Variants in GSE1 observed in about 807,000 individuals in gnomAD.
The protein encoded by GSE1 is Gse1 coiled-coil protein.
GSE1 carries 32 observed loss-of-function variants against 112.6 expected under a neutral mutation model. That is an observed-to-expected ratio of 0.28 (90% CI 0.21 to 0.38). GSE1 has a LOEUF of 0.38. Among genes scored for constraint, GSE1 ranks in the 10% least tolerant of loss-of-function variants. The pLI, the probability that GSE1 is intolerant of heterozygous loss-of-function variation, is 1.00. For missense variants in GSE1, 2,348 were observed against 1,699.2 expected, an observed-to-expected ratio of 1.38 and a Z score of -6.71; for synonymous variants, 1,115 against 735.6, an observed-to-expected ratio of 1.52 and a Z score of -8.35.
At chr16:85,252,734 C>T (rs746169731) in intron 1 of GSE1, among the ~76,000 whole-genome samples, 17 of 152,238 alleles carry the variant, frequency 1.1e-4, no homozygotes, top group Admixed American at 4.6e-4. Flanking sequence ...CATCAGAGAA[C>T]GCCACAGTTG....
chr16:85,463,994 C>T (rs2050053461), intron 2 of GSE1, among the ~76,000 whole-genome samples: 1 of 152,156 alleles, frequency 6.6e-6, no homozygotes, highest in Non-Finnish European at 1.5e-5. Flanking sequence ...ACGCTGGCCT[C>T]AGGACTGCTT....
rs559865080 is a variant in GSE1 at position 85,604,203 on chromosome 16, C to G, written c.38-44349C>G. Reference sequence around the variant, plus strand: ...CCCCTCCCCTAGCCCTAAGCAACTACTCCTCTGCTTTTTGTCTCTGGATTT... The same window carrying G: ...CCCCTCCCCTAGCCCTAAGCAACTAGTCCTCTGCTTTTTGTCTCTGGATTT... On this transcript the variant is annotated intron_variant, in intron 1 of 2. Coordinates refer to the GSE1 transcript ENST00000635906. 4.6e-5 allele frequency among the ~76,000 whole-genome samples: 7 copies of G among 152,350 alleles called. No homozygotes were observed. In the South Asian group the frequency reaches 1.2e-3, roughly 27 times the overall value.
chr16:85,674,603 T>C lies in GSE1; in HGVS notation c.*2064T>C, dbSNP rs1465983259. The C allele has an allele frequency of 6.6e-6, 1 of 152,216 alleles. No homozygotes were observed. Among genetic ancestry groups the C allele is most frequent in the Non-Finnish European group, 1.5e-5 (1 of 68,042 alleles). 9.4% of individuals were successfully genotyped at this position (152,216 alleles called of 1,614,324 possible). On this transcript the variant is annotated 3_prime_UTR_variant, in exon 16 of 16. Coordinates refer to ENST00000253458, the MANE Select transcript of GSE1 (RefSeq NM_014615.5). ...TTCCGCTCTCAGGCCTCCTCCTCCA[T>C]CACAGATGTCTGGATGCTTTTGGAA...
At chr16:85,618,250 T>C (rs532685337) in intron 1 of GSE1, among the ~76,000 whole-genome samples, 4 of 152,206 alleles carry the variant, frequency 2.6e-5, no homozygotes, top group Non-Finnish European at 5.9e-5. Flanking sequence ...CCTTCCACTT[T>C]AATCATCACG....
chr16:85,450,835 C>T (rs1256887926), intron 2 of GSE1, among the ~76,000 whole-genome samples: 1 of 152,024 alleles, frequency 6.6e-6, no homozygotes, highest in Non-Finnish European at 1.5e-5. Context: ...CCGAGGTGGG[C>T]CGATCACCTA....
intron 1 of GSE1, among the ~76,000 whole-genome samples, chr16:85,621,391 G>C (rs1385773885): frequency 6.6e-6 from 1 of 152,264 alleles, no homozygotes; most frequent in African/African-American, 2.4e-5. Flanking sequence ...TGTGCAGGGA[G>C]TGGAGTGTGC....
At chr16:85,249,555 G>A (rs1223453347) in intron 1 of GSE1, among the ~76,000 whole-genome samples, 1 of 152,224 alleles carries the variant, frequency 6.6e-6, no homozygotes, top group East Asian at 1.9e-4. Flanking sequence ...GCCAGCACCA[G>A]CACCAAGACT....
At chr16:85,186,869 G>T (rs750667427) in intron 1 of GSE1, among the ~76,000 whole-genome samples, 4 of 152,242 alleles carry the variant, frequency 2.6e-5, no homozygotes, top group Non-Finnish European at 5.9e-5. Flanking sequence ...TAGCAGCGAT[G>T]GTTGCCATGT....
At chr16:85,208,416 C>T (rs951697189) in intron 1 of GSE1, among the ~76,000 whole-genome samples, 24 of 152,180 alleles carry the variant, frequency 1.6e-4, no homozygotes, top group African/African-American at 5.3e-4. Flanking sequence ...GCTCGAGGGG[C>T]GTCATAGCAG....
At chr16:85,441,989 G>A (rs139616065) in intron 2 of GSE1, among the ~76,000 whole-genome samples, 11 of 152,262 alleles carry the variant, frequency 7.2e-5, no homozygotes, top group Admixed American at 7.2e-4. Flanking sequence ...GGCTTCTAGC[G>A]GCCTTGTCCA....
chr16:85,357,374 G>C (rs983465181), intron 1 of GSE1: 2 of 859,684 alleles, frequency 2.3e-6, no homozygotes, highest in Admixed American at 4.2e-5. Context: ...CGTCGGGGAG[G>C]AATGGCACCT....
At chr16:85,651,575 G>A (rs1013192382) in intron 3 of GSE1, among the ~76,000 whole-genome samples, 4 of 152,176 alleles carry the variant, frequency 2.6e-5, no homozygotes, top group East Asian at 1.9e-4. Context: ...GTGCTTTGCC[G>A]TTTGACCCGG....
chr16:85,603,159 TTGTC>T (rs2151490378), intron 1 of GSE1, among the ~76,000 whole-genome samples: 1 of 152,314 alleles, frequency 6.6e-6, no homozygotes, highest in South Asian at 2.1e-4. Context: ...CATGGGAGAA[TTGTC>T]AGTGAGGACA....
At chr16:85,473,541 G>C (rs1483217642) in intron 2 of GSE1, among the ~76,000 whole-genome samples, 1 of 152,220 alleles carries the variant, frequency 6.6e-6, no homozygotes, top group Non-Finnish European at 1.5e-5. Flanking sequence ...GCTCCCCCTG[G>C]CTGCCACGGT....
chr16:85,651,503 G>A (rs2051353354), intron 3 of GSE1, among the ~76,000 whole-genome samples: 1 of 152,184 alleles, frequency 6.6e-6, no homozygotes, highest in East Asian at 1.9e-4. Context: ...GGGAGAAGGG[G>A]TTCAAGGGCC....
At position 85,243,385 on chromosome 16, in the gene GSE1, T is replaced by G. The variant is rs57492763; in HGVS notation, c.2283+71578T>G. ...AGGGGAAGGACACGGGCAGTGGGGC[T>G]TACCCCAAACGGGGACACACACTCC... On this transcript the variant is annotated intron_variant, in intron 1 of 2. Transcript: ENST00000637419. Among the ~76,000 whole-genome samples the G allele has an allele frequency of 8.2e-3, 1,224 of 148,988 alleles. 15 individuals are homozygous for G. Among genetic ancestry groups the G allele is most frequent in the African/African-American group, 0.028 (1,157 of 41,312 alleles).
chr16:85,376,475 G>C (rs913955066), intron 2 of GSE1, among the ~76,000 whole-genome samples: 3 of 152,224 alleles, frequency 2.0e-5, no homozygotes, highest in African/African-American at 7.2e-5. Flanking sequence ...CTTGATGGCA[G>C]ATTTGGGCAC....
At chr16:85,657,991 T>C (rs755959011) in intron 8 of GSE1, among the ~76,000 whole-genome samples, 1 of 152,260 alleles carries the variant, frequency 6.6e-6, no homozygotes. Context: ...TGGACTTCTT[T>C]TTTTAACAAG....
rs1158062906 is a variant in GSE1, at chr16:85,590,462, CGT to C, written c.37+34105_37+34106del. ...GTGTGAGCATGTGTGATTGTGTGAG[CGT>C]GTGTGACATCTTGTGCATGTGTGAA... is the stretch of plus-strand genomic sequence containing the variant. On this transcript the variant is annotated intron_variant, in intron 1 of 2. Coordinates refer to the GSE1 transcript ENST00000635906. Among the ~76,000 whole-genome samples the C allele has an allele frequency of 9.0e-5, 13 of 144,308 alleles. No homozygotes were observed. In the East Asian group the frequency reaches 1.0e-3, roughly 12 times the overall value. 94.7% of individuals were successfully genotyped at this position (144,308 alleles called of 152,430 possible).
Sources: gnomAD v4.1 joint callset for allele counts (sites outside exome capture counted in the v4.1 genomes callset) on GRCh38, gnomAD v4.1.1 for gene constraint, MANE v1.5 for transcripts, NCBI Gene and HGNC (gene_info 2026-07-23, HGNC 2026-07-21) for gene names.